CUX1: variants seen among roughly 807,000 people sequenced by gnomAD.
The protein encoded by CUX1 is protein CASP.
A neutral mutation model predicts 158.8 loss-of-function variants in CUX1; 31 were observed. The observed-to-expected ratio is 0.20, with a 90% CI of 0.15 to 0.26. CUX1 has a LOEUF of 0.26. Ranked by LOEUF, CUX1 falls within the 10% of genes least tolerant of loss-of-function variation. The pLI, the probability that CUX1 is intolerant of heterozygous loss-of-function variation, is 1.00. For missense variants in CUX1, 1,589 were observed against 2,014.6 expected, an observed-to-expected ratio of 0.79 and a Z score of 4.04; for synonymous variants, 879 against 862.1, an observed-to-expected ratio of 1.02 and a Z score of -0.34.
intron 1 of CUX1, among the ~76,000 whole-genome samples, chr7:101,866,821 C>T (rs867732143): frequency 3.3e-5 from 5 of 152,202 alleles, no homozygotes; most frequent in Admixed American, 2.6e-4. Context: ...CTACTTTGCC[C>T]TCTAAGCATT....
At chr7:101,969,912 T>C (rs542315330) in intron 2 of CUX1, among the ~76,000 whole-genome samples, 3 of 149,954 alleles carry the variant, frequency 2.0e-5, no homozygotes, top group South Asian at 4.2e-4. Flanking sequence ...CGTATCAGGA[T>C]TCCACGGTCC....
chr7:101,965,955 G>A (rs1232270558), intron 2 of CUX1, among the ~76,000 whole-genome samples: 1 of 151,196 alleles, frequency 6.6e-6, no homozygotes, highest in African/African-American at 2.4e-5. Context: ...TTGGAAACAA[G>A]CCAGCAGAAA....
chr7:101,933,388 A>G (rs1429884298), intron 2 of CUX1, among the ~76,000 whole-genome samples: 1 of 152,192 alleles, frequency 6.6e-6, no homozygotes, highest in Non-Finnish European at 1.5e-5. Context: ...CAACAACAAC[A>G]AAAAAGAATT....
At chr7:101,887,257 C>A (rs1373988613) in intron 1 of CUX1, among the ~76,000 whole-genome samples, 1 of 152,108 alleles carries the variant, frequency 6.6e-6, no homozygotes, top group African/African-American at 2.4e-5. Flanking sequence ...ACTCACTCTT[C>A]TTTTTAACCA....
intron 20 of CUX1, among the ~76,000 whole-genome samples, chr7:102,211,392 G>A (rs1283028608): frequency 6.6e-6 from 1 of 152,140 alleles, no homozygotes; most frequent in Non-Finnish European, 1.5e-5. Flanking sequence ...GCTGCAGTGA[G>A]CAATGATAGC....
chr7:102,241,559 A>G (rs1326691793), intron 23 of CUX1, among the ~76,000 whole-genome samples: 1 of 152,142 alleles, frequency 6.6e-6, no homozygotes, highest in Admixed American at 6.5e-5. Flanking sequence ...TCCCTCCCCC[A>G]TAAGGTCCAC....
chr7:101,825,312 T>C lies in CUX1; in HGVS notation c.30+7643T>C, dbSNP rs532240025. 3.9e-5 allele frequency among the ~76,000 whole-genome samples: 6 copies of C among 152,332 alleles called. No homozygotes were observed. The South Asian group carries it at 1.2e-3, about 32-fold the overall frequency. ...AAACATTCATTTACCAGAATTGCTT[T>C]ATTTCAGCCGTATCTCAACTCGTTG... On this transcript the variant is annotated intron_variant, in intron 1 of 23. Coordinates refer to ENST00000292535, the MANE Select transcript of CUX1 (RefSeq NM_181552.4).
intron 14 of CUX1, among the ~76,000 whole-genome samples, chr7:102,196,180 C>T (rs1794782120): frequency 3.3e-5 from 5 of 152,238 alleles, no homozygotes; most frequent in South Asian, 2.1e-4. Context: ...AACGGGCGCG[C>T]GCCTCCACAT....
intron 2 of CUX1, among the ~76,000 whole-genome samples, chr7:102,017,256 A>T (rs1233998747): frequency 6.8e-6 from 1 of 146,612 alleles, no homozygotes; most frequent in Non-Finnish European, 1.5e-5. Context: ...GCACCACTGC[A>T]CTCCGGCCTG....
intron 2 of CUX1, among the ~76,000 whole-genome samples, chr7:101,962,568 G>A (rs948308774): frequency 2.6e-5 from 4 of 152,166 alleles, no homozygotes; most frequent in Admixed American, 1.3e-4. Context: ...ATGCAGATAC[G>A]TGTGCCCCTG....
intron 14 of CUX1, among the ~76,000 whole-genome samples, chr7:102,264,472 G>A (rs186388692): frequency 6.6e-6 from 1 of 152,324 alleles, no homozygotes; most frequent in Non-Finnish European, 1.5e-5. Flanking sequence ...AGGAAGAGTG[G>A]GAGGCGATGA....
In CUX1 at chr7:102,257,745, AC is replaced by A; in HGVS notation, c.*8704del. 1.0e-6 allele frequency: 1 copy of A among 984,976 alleles called. No homozygotes were observed. 61.0% of individuals were successfully genotyped at this position (984,976 alleles called of 1,614,324 possible). On this transcript the variant is annotated 3_prime_UTR_variant, in exon 24 of 24. Coordinates refer to ENST00000292535, the MANE Select transcript of CUX1 (RefSeq NM_181552.4). ...CCACTCTAGCGTTTTGTCACGTCTT[AC>A]ATTTTAGCAGTATTTTATATTTTCT... is the stretch of plus-strand genomic sequence containing the variant.
rs1436272561 is a variant in CUX1 at position 102,249,177 on chromosome 7, C to T, written c.*135C>T. 66 of 1,137,100 alleles carry T rather than the reference C, an allele frequency of 5.8e-5. No individual in the cohort carries two copies. Among genetic ancestry groups the T allele is most frequent in the Non-Finnish European group, 6.2e-5 (57 of 925,232 alleles). 70.4% of individuals were successfully genotyped at this position (1,137,100 alleles called of 1,614,324 possible). On this transcript the variant is annotated 3_prime_UTR_variant, in exon 24 of 24. Coordinates refer to ENST00000292535, the MANE Select transcript of CUX1 (RefSeq NM_181552.4). ...ACCGACCCCGGGCCGGACCTGAGCC[C>T]GCAGCCCAGACCCCCTCCACGGTCC...
At chr7:101,978,596 C>T (rs1000442549) in intron 2 of CUX1, among the ~76,000 whole-genome samples, 28 of 152,246 alleles carry the variant, frequency 1.8e-4, no homozygotes, top group African/African-American at 5.5e-4. Flanking sequence ...CAGATCTTTC[C>T]GTCTCCCTGC....
At chr7:101,835,802 C>G (rs972012901) in intron 1 of CUX1, among the ~76,000 whole-genome samples, 2 of 152,206 alleles carry the variant, frequency 1.3e-5, no homozygotes, top group Non-Finnish European at 2.9e-5. Flanking sequence ...ATGGCGCGAT[C>G]TTGGCTCACT....
chr7:102,169,547 T>C (rs1361694779), intron 9 of CUX1, among the ~76,000 whole-genome samples: 1 of 152,250 alleles, frequency 6.6e-6, no homozygotes, highest in Non-Finnish European at 1.5e-5. Context: ...ACAAACGACC[T>C]CTGCCTGAGT....
At chr7:101,971,817 T>G (rs1811991524) in intron 2 of CUX1, among the ~76,000 whole-genome samples, 1 of 152,326 alleles carries the variant, frequency 6.6e-6, no homozygotes, top group East Asian at 1.9e-4. Flanking sequence ...GCAGGTATCT[T>G]ACAGCTTAAT....
At chr7:101,977,575 G>A (rs938828114) in intron 2 of CUX1, among the ~76,000 whole-genome samples, 52 of 152,046 alleles carry the variant, frequency 3.4e-4, no homozygotes, top group Admixed American at 3.3e-3. Context: ...CCAAGAGATC[G>A]AGGCTGCAGG....
At chr7:102,244,613 TGAG>T (rs1276147301) in intron 23 of CUX1, among the ~76,000 whole-genome samples, 1 of 151,974 alleles carries the variant, frequency 6.6e-6, no homozygotes, top group Non-Finnish European at 1.5e-5. Flanking sequence ...GAGAATCACT[TGAG>T]GAGGTTGAGG....
Sources: allele counts gnomAD v4.1 joint callset (sites outside exome capture counted in the v4.1 genomes callset), GRCh38; gene constraint gnomAD v4.1.1; transcripts MANE v1.5; gene names NCBI Gene and HGNC (gene_info 2026-07-23, HGNC 2026-07-21).